HHAT: variants seen among roughly 807,000 people sequenced by gnomAD.
HHAT encodes protein-cysteine N-palmitoyltransferase HHAT.
Under a neutral mutation model 70.8 loss-of-function variants are expected in HHAT, and 47 were observed. The ratio of observed to expected loss-of-function variants is 0.66; its 90% confidence interval spans 0.53 to 0.85. The LOEUF (loss-of-function observed/expected upper bound fraction) is 0.85. Among genes scored for constraint, HHAT ranks in the 40% least tolerant of loss-of-function variants. HHAT has a pLI of 0.00. For synonymous variants in HHAT, 228 were observed against 247.6 expected, an observed-to-expected ratio of 0.92 and a Z score of 0.74; for missense variants, 609 against 604.8, an observed-to-expected ratio of 1.01 and a Z score of -0.07.
At chr1:210,433,065 T>G (rs2093290461) in intron 7 of HHAT, among the ~76,000 whole-genome samples, 1 of 151,744 alleles carries the variant, frequency 6.6e-6, no homozygotes, top group African/African-American at 2.4e-5. Flanking sequence ...AAAAGATGTC[T>G]CTTTGTCTTA....
At chr1:210,646,941 T>C (rs4951497) in intron 11 of HHAT, among the ~76,000 whole-genome samples, 43,405 of 152,156 alleles carry the variant, frequency 0.29, 6,894 homozygotes, top group East Asian at 0.45. Context: ...TTGAGTAAAA[T>C]TATTCACTCA....
intron 3 of HHAT, among the ~76,000 whole-genome samples, chr1:210,373,911 A>G (rs2089826670): frequency 6.6e-6 from 1 of 152,188 alleles, no homozygotes; most frequent in Non-Finnish European, 1.5e-5. Flanking sequence ...GAGTCTCCAA[A>G]TTGTCTAAGC....
chr1:210,616,546 C>G (rs1380155922), intron 10 of HHAT, among the ~76,000 whole-genome samples: 1 of 152,166 alleles, frequency 6.6e-6, no homozygotes, highest in Non-Finnish European at 1.5e-5. Flanking sequence ...TGGTATCTGC[C>G]AACCATTGTT....
intron 11 of HHAT, among the ~76,000 whole-genome samples, chr1:210,638,364 G>T (rs967045292): frequency 2.0e-5 from 3 of 152,178 alleles, no homozygotes; most frequent in African/African-American, 7.2e-5. Context: ...ATGAAGTACT[G>T]ATTTATGCTA....
intron 7 of HHAT, among the ~76,000 whole-genome samples, chr1:210,422,362 A>C (rs947597832): frequency 2.0e-5 from 3 of 152,192 alleles, no homozygotes; most frequent in Non-Finnish European, 4.4e-5. Flanking sequence ...GAACACTTGA[A>C]CTTATTCTAC....
At chr1:210,459,172 C>T (rs140509199) in intron 7 of HHAT, among the ~76,000 whole-genome samples, 32 of 152,252 alleles carry the variant, frequency 2.1e-4, no homozygotes, top group Admixed American at 7.8e-4. Flanking sequence ...TTCTTTCTCT[C>T]CTTTTTACCA....
intron 9 of HHAT, among the ~76,000 whole-genome samples, chr1:210,582,044 A>G (rs1414381399): frequency 6.6e-6 from 1 of 152,220 alleles, no homozygotes; most frequent in Non-Finnish European, 1.5e-5. Context: ...TGGAACAGAC[A>G]GTACACACAG....
chr1:210,332,506 A>G (rs974565941), intron 1 of HHAT, among the ~76,000 whole-genome samples: 1 of 152,236 alleles, frequency 6.6e-6, no homozygotes, highest in South Asian at 2.1e-4. Flanking sequence ...CAATTCGCCT[A>G]GTTTACTCTT....
chr1:210,580,586 G>A (rs530298448), intron 9 of HHAT, among the ~76,000 whole-genome samples: 1 of 149,834 alleles, frequency 6.7e-6, no homozygotes, highest in East Asian at 2.0e-4. Context: ...GAGAACATGC[G>A]GTGTTTGGTT....
chr1:210,485,485 G>A (rs2094460670), intron 8 of HHAT, among the ~76,000 whole-genome samples: 1 of 152,084 alleles, frequency 6.6e-6, no homozygotes, highest in African/African-American at 2.4e-5. Context: ...TCCCACCAGC[G>A]ACTCCTCAGG....
chr1:210,541,260 A>G (rs758119716), intron 9 of HHAT, among the ~76,000 whole-genome samples: 7 of 152,206 alleles, frequency 4.6e-5, no homozygotes, highest in Non-Finnish European at 1.0e-4. Flanking sequence ...TACTAAGAAC[A>G]TCCTGTGCAT....
chr1:210,629,277 C>T (rs1670415678), intron 11 of HHAT, among the ~76,000 whole-genome samples: 1 of 152,236 alleles, frequency 6.6e-6, no homozygotes, highest in African/African-American at 2.4e-5. Flanking sequence ...CCAGCCAAGT[C>T]AACCAGGCAT....
chr1:210,348,623 A>G (rs544942697), intron 1 of HHAT, among the ~76,000 whole-genome samples: 1 of 152,206 alleles, frequency 6.6e-6, no homozygotes, highest in East Asian at 1.9e-4. Flanking sequence ...CAGGCATATT[A>G]TGCAATGGGT....
chr1:210,550,002 C>G (rs2095515196), intron 9 of HHAT, among the ~76,000 whole-genome samples: 1 of 149,284 alleles, frequency 6.7e-6, no homozygotes, highest in Non-Finnish European at 1.5e-5. Context: ...ACTGTCTCTA[C>G]TCACCCCCTT....
intron 11 of HHAT, among the ~76,000 whole-genome samples, chr1:210,666,058 T>G (rs1375818335): frequency 6.6e-6 from 1 of 152,224 alleles, no homozygotes; most frequent in Non-Finnish European, 1.5e-5. Flanking sequence ...AGTTTGTTCA[T>G]GTGCTGGCCA....
chr1:210,626,854 A>G (rs76455592), intron 11 of HHAT, among the ~76,000 whole-genome samples: 2,660 of 152,262 alleles, frequency 0.017, 37 homozygotes, highest in Middle Eastern at 0.031. Flanking sequence ...TCTGACCCCA[A>G]AAAGTTTAGT....
rs1440634320 is a variant in HHAT at position 210,675,155 on chromosome 1, TATCAAG to T, written c.*777_*782del. On this transcript the variant is annotated 3_prime_UTR_variant, in exon 12 of 12. Transcript: ENST00000261458. Reference sequence around the variant, plus strand: ...GGATAGTGTACCCACAGATGGGTGTTATCAAGGCCAGTCATGAGGATGGTGTCCTGG... The same window carrying T: ...GGATAGTGTACCCACAGATGGGTGTTGCCAGTCATGAGGATGGTGTCCTGG... 6.6e-6 allele frequency: 1 copy of T among 152,194 alleles called. No individual in the cohort carries two copies. The highest frequency in any genetic ancestry group is 6.5e-5 in the Admixed American group (1 of 15,284). 9.4% of individuals were successfully genotyped at this position (152,194 alleles called of 1,614,324 possible). A position where few individuals can be genotyped will look rare whatever the true frequency, so the allele number is the denominator to read the frequency against.
chr1:210,586,974 T>G (rs1660590738), intron 9 of HHAT, among the ~76,000 whole-genome samples: 1 of 152,198 alleles, frequency 6.6e-6, no homozygotes, highest in Non-Finnish European at 1.5e-5. Flanking sequence ...CAGAGCTCTT[T>G]TCTTTATTGT....
chr1:210,621,228 A>G (rs1668758122), intron 10 of HHAT, among the ~76,000 whole-genome samples: 1 of 151,982 alleles, frequency 6.6e-6, no homozygotes, highest in African/African-American at 2.4e-5. Context: ...TAGCTTAACA[A>G]GCTATGTGCA....
Sources: gnomAD v4.1 joint callset for allele counts (sites outside exome capture counted in the v4.1 genomes callset) on GRCh38, gnomAD v4.1.1 for gene constraint, MANE v1.5 for transcripts, NCBI Gene and HGNC (gene_info 2026-07-23, HGNC 2026-07-21) for gene names.